Variants in PHF3 observed in about 807,000 individuals in gnomAD.
PHF3 encodes the protein PHD finger protein 3.
PHF3 carries 41 observed loss-of-function variants against 178.4 expected under a neutral mutation model. That is an observed-to-expected ratio of 0.23 (90% CI 0.18 to 0.30). The LOEUF is 0.30. Ranked by LOEUF, PHF3 falls within the 10% of genes least tolerant of loss-of-function variation. The pLI is 1.00. For missense variants in PHF3, 2,346 were observed against 2,398.1 expected, an observed-to-expected ratio of 0.98 and a Z score of 0.45; for synonymous variants, 842 against 800.5, an observed-to-expected ratio of 1.05 and a Z score of -0.88.
intron 1 of PHF3, among the ~76,000 whole-genome samples, chr6:63,643,109 T>TTTACCGGTTTTTTTTTGCTACTGTCCC: frequency 6.6e-6 from 1 of 152,058 alleles, no homozygotes; most frequent in African/African-American, 2.4e-5. Flanking sequence ...TTATTCTGAT[T>TTTACCGGTTTTTTTTTGCTACTGTCCC]TTACCGGTTT....
At chr6:63,652,904 G>A (rs1011498899) in intron 2 of PHF3, among the ~76,000 whole-genome samples, 1 of 151,774 alleles carries the variant, frequency 6.6e-6, no homozygotes, top group Non-Finnish European at 1.5e-5. Context: ...CTGTTCTTAG[G>A]CCAGTACCAT....
At chr6:63,680,257 T>C in intron 3 of PHF3, 96 bp downstream of exon 3, 1 of 1,124,664 alleles carries the variant, frequency 8.9e-7, no homozygotes, top group Non-Finnish European at 1.2e-6. Flanking sequence ...ATTTTCTTGA[T>C]GTTTTGCTAA....
intron 2 of PHF3, among the ~76,000 whole-genome samples, chr6:63,655,986 A>G (rs1474199436): frequency 6.6e-6 from 1 of 152,114 alleles, no homozygotes; most frequent in Non-Finnish European, 1.5e-5. Flanking sequence ...CTTTTCAAAT[A>G]TTTTTCCATA....
intron 2 of PHF3, among the ~76,000 whole-genome samples, chr6:63,651,735 ATCACTATT>A (rs1473364695): frequency 6.6e-6 from 1 of 152,080 alleles, no homozygotes; most frequent in Non-Finnish European, 1.5e-5. Flanking sequence ...AACTCTGGTA[ATCACTATT>A]GTACTGTCTA....
intron 1 of PHF3, among the ~76,000 whole-genome samples, chr6:63,645,763 A>T (rs1031349723): frequency 6.6e-6 from 1 of 152,310 alleles, no homozygotes; most frequent in Non-Finnish European, 1.5e-5. Context: ...TGTAGGTACA[A>T]TTCAAATGGG....
Position 63,685,340 on chromosome 6 carries a change from A to T in PHF3, c.1618A>T (p.Asn540Tyr). Residue 540 changes from asparagine to tyrosine, a missense_variant, in exon 4 of 16, where the codon AAT becomes TAT. Asn to Tyr is a moderately radical substitution (Grantham distance 143, BLOSUM62 -2). This residue lies in a region of PHF3 where 843 missense variants were observed against 795.2 expected (regional missense o/e 1.06). Coordinates refer to ENST00000262043, the MANE Select transcript of PHF3 (RefSeq NM_001370348.2). ...TACTGATGTACCAGAATCTCAGCAAAATTTTCATAGGCCAGTCAAAGTCAG... is the reference window on the plus strand; with the variant it reads ...TACTGATGTACCAGAATCTCAGCAATATTTTCATAGGCCAGTCAAAGTCAG... ...RNTDVPESQQ[N>Y]FHRPVKVRKK... 1.2e-6 allele frequency: 2 copies of T among 1,614,108 alleles called. No individual in the cohort carries two copies. The highest frequency in any genetic ancestry group is 1.7e-6 in the Non-Finnish European group (2 of 1,180,008).
At chr6:63,673,152 A>C (rs1765993642) in intron 2 of PHF3, among the ~76,000 whole-genome samples, 1 of 151,984 alleles carries the variant, frequency 6.6e-6, no homozygotes, top group East Asian at 1.9e-4. Flanking sequence ...TGTATTACCA[A>C]ATGTGCAGGA....
In PHF3 at chr6:63,711,331, T is replaced by C. The variant is rs754110813; in HGVS notation, c.3966T>C (p.Ile1322=). ...TTCCTTTGGGTGCCACAGATAAAAT[T>C]CCACACCCTCTTGTGCCTTTTGATG... ...YLIPLGATDK[I]PHPLVPFDGP... The change falls in exon 15 of 16, where the codon ATT becomes ATC. Residue 1322 remains isoleucine, a synonymous_variant. Coordinates refer to ENST00000262043, the MANE Select transcript of PHF3 (RefSeq NM_001370348.2). The C allele has an allele frequency of 6.2e-7, 1 of 1,612,454 alleles. No individual in the cohort carries two copies. The highest frequency in any genetic ancestry group is 8.5e-7 in the Non-Finnish European group (1 of 1,179,354).
In PHF3 at chr6:63,720,676, G is replaced by GA. The variant is rs771640639; in HGVS notation, c.*6974dup. 37 of 1,542,308 alleles carry GA rather than the reference G, an allele frequency of 2.4e-5. No individual in the cohort carries two copies. In the South Asian group the frequency reaches 3.9e-4, roughly 16 times the overall value. The stretch of plus-strand genomic sequence containing the variant: ...ATTAGTTCAATGTTTTTTGGTTCCT[G>GA]AAAAAATACAACATCTTTAATTTTG... On this transcript the variant is annotated 3_prime_UTR_variant, in exon 16 of 16. Transcript: ENST00000262043.
In PHF3 at chr6:63,706,868, C is replaced by T; in HGVS notation, c.3703C>T (p.Leu1235=). The change falls in exon 13 of 16, where the codon CTG becomes TTG. Residue 1235 remains leucine (L), a synonymous_variant. Transcript: ENST00000262043. ...TCCAGTATCTGGCTCCCCAGAATAC[C>T]TGACAGAGGTACTGTGAACTTTTCT... is the stretch of plus-strand genomic sequence containing the variant. ...AYPVSGSPEY[L]TEDLPDSIQV... is the part of the protein sequence containing the mutation. 1 of 1,613,700 alleles carries T rather than the reference C, an allele frequency of 6.2e-7. No individual in the cohort carries two copies. The highest frequency in any genetic ancestry group is 8.5e-7 in the Non-Finnish European group (1 of 1,179,788).
intron 3 of PHF3, among the ~76,000 whole-genome samples, chr6:63,683,505 A>G (rs925973764): frequency 3.3e-5 from 5 of 151,994 alleles, no homozygotes; most frequent in Non-Finnish European, 7.4e-5. Flanking sequence ...AAGTCTTTTA[A>G]ATTGTGTTTC....
intron 2 of PHF3, among the ~76,000 whole-genome samples, chr6:63,676,551 G>T (rs752678676): frequency 1.3e-5 from 2 of 152,134 alleles, no homozygotes; most frequent in Non-Finnish European, 2.9e-5. Context: ...CTGGAGATGG[G>T]CTTATGCTTC....
chr6:63,712,759 C>T lies in PHF3; in HGVS notation c.5171C>T (p.Ser1724Leu). Residue 1724 changes from serine to leucine, a missense_variant, in exon 16 of 16, where the codon TCA becomes TTA. Physicochemically the swap from Ser to Leu is moderately radical, Grantham distance 145 (BLOSUM62 -2). Coordinates refer to ENST00000262043, the MANE Select transcript of PHF3 (RefSeq NM_001370348.2). ...DNLKVAQNSP[S>L]VENIQTSQAE... ...TTAAAAGTTGCACAAAACTCACCAT[C>T]AGTAGAAAACATACAGACTTCTCAA... 6 of 1,613,892 alleles carry T rather than the reference C, an allele frequency of 3.7e-6. No homozygotes were observed. Among genetic ancestry groups the T allele is most frequent in the Non-Finnish European group, 4.2e-6 (5 of 1,179,936 alleles).
intron 2 of PHF3, among the ~76,000 whole-genome samples, chr6:63,666,462 T>C (rs1387498030): frequency 6.6e-6 from 1 of 151,972 alleles, no homozygotes; most frequent in Non-Finnish European, 1.5e-5. Context: ...TTTTTTTTCT[T>C]TTAAAACATT....
At chr6:63,674,338 A>G (rs1330647639) in intron 2 of PHF3, among the ~76,000 whole-genome samples, 2 of 82,426 alleles carry the variant, frequency 2.4e-5, no homozygotes, top group Non-Finnish European at 5.8e-5. Context: ...TATATATACC[A>G]TCTTCAACTC....
chr6:63,710,932 A>C (rs1204777816), intron 14 of PHF3, among the ~76,000 whole-genome samples: 1 of 152,162 alleles, frequency 6.6e-6, no homozygotes, highest in Non-Finnish European at 1.5e-5. Flanking sequence ...TCCATTTCTT[A>C]TGTTTCCGTA....
rs772300535 is a variant in PHF3 at position 63,691,928 on chromosome 6, A to G, written c.2381A>G (p.His794Arg). Residue 794 changes from histidine (H) to arginine (R), a missense_variant, in exon 5 of 16, where the codon CAT (histidine) becomes CGT (arginine). This residue lies in a region of PHF3 where 252 missense variants were observed against 232.0 expected (regional missense o/e 1.09). Transcript: ENST00000262043. ...GAAAACCAAGCTACAGTTGAATTCCATAGTGGAGATAAAACAATGGAGTGT... is the reference window on the plus strand; with the variant it reads ...GAAAACCAAGCTACAGTTGAATTCCGTAGTGGAGATAAAACAATGGAGTGT... ...TLENQATVEF[H>R]SGDKTMECEK... The G allele has an allele frequency of 1.6e-5, 26 of 1,613,798 alleles. No homozygotes were observed. Among genetic ancestry groups the G allele is most frequent in the Middle Eastern group, 1.6e-4 (1 of 6,084 alleles).
At chr6:63,688,884 C>T (rs1766870235) in intron 4 of PHF3, among the ~76,000 whole-genome samples, 1 of 152,158 alleles carries the variant, frequency 6.6e-6, no homozygotes, top group Admixed American at 6.5e-5. Flanking sequence ...GACACATTTT[C>T]TAGCATTTGC....
chr6:63,670,956 T>C (rs1424219169), intron 2 of PHF3, among the ~76,000 whole-genome samples: 1 of 152,208 alleles, frequency 6.6e-6, no homozygotes, highest in African/African-American at 2.4e-5. Context: ...AGAACTCTTT[T>C]GGTGGTCCTG....
Sources: allele counts gnomAD v4.1 joint callset (sites outside exome capture counted in the v4.1 genomes callset), GRCh38; gene constraint gnomAD v4.1.1; regional missense constraint gnomAD v4.1.1; transcripts MANE v1.5; gene names NCBI Gene and HGNC (gene_info 2026-07-23, HGNC 2026-07-21).